Variants in CDH4 observed in about 807,000 individuals in gnomAD.
CDH4 encodes the protein cadherin 4, also known as cadherin-4.
Under a neutral mutation model 86.0 loss-of-function variants are expected in CDH4, and 33 were observed. That is an observed-to-expected ratio of 0.38 (90% CI 0.29 to 0.51). The LOEUF is 0.51. CDH4 is among the 20% of genes least tolerant of loss of function. The pLI is 0.86. For missense variants in CDH4, 1,114 were observed against 1,307.4 expected (o/e 0.85, Z 2.28); for synonymous variants, 555 against 549.4 (o/e 1.01, Z -0.14).
At chr20:61,302,547 G>T (rs1412918713) in intron 2 of CDH4, among the ~76,000 whole-genome samples, 1 of 151,656 alleles carries the variant, frequency 6.6e-6, no homozygotes, top group Non-Finnish European at 1.5e-5. Context: ...TCTGACTGAG[G>T]TTGGGGGTGG....
In CDH4 at chr20:61,582,010, G is replaced by A. The variant is rs2086433090; in HGVS notation, c.170-161553G>A. ...TTTGCCCTCAAGTCTCAGCCATCAT[G>A]TGGGCGCCTCCTCAGGGCAGCCTGT... On this transcript the variant is annotated intron_variant, in intron 2 of 15. Coordinates refer to ENST00000614565, the MANE Select transcript of CDH4 (RefSeq NM_001794.5). The surrounding 1 kb of genome is among the most constrained non-coding windows in gnomAD (Gnocchi z 4.2). Among the ~76,000 whole-genome samples, 2 of 152,318 alleles carry A rather than the reference G, an allele frequency of 1.3e-5. No individual in the cohort carries two copies. Among genetic ancestry groups the A allele is most frequent in the South Asian group, 4.1e-4 (2 of 4,830 alleles).
At chr20:61,432,317 T>C (rs2085251900) in intron 2 of CDH4, among the ~76,000 whole-genome samples, 1 of 152,194 alleles carries the variant, frequency 6.6e-6, no homozygotes, top group Non-Finnish European at 1.5e-5. Flanking sequence ...TTCTTTAAAT[T>C]ATGGCCATTC....
rs556003540 is a variant in CDH4 at position 61,258,823 on chromosome 20, CAGA to C, written c.169+3892_169+3894del. Reference sequence around the variant, plus strand: ...CCAGTCGTTGCTTCTGAGTTCAGAGCAGAAGAAGGTGCAGATAGTAGCACCATC... The same window carrying C: ...CCAGTCGTTGCTTCTGAGTTCAGAGCAGAAGGTGCAGATAGTAGCACCATC... On this transcript the variant is annotated intron_variant, in intron 2 of 15. Transcript: ENST00000614565. 1.1e-4 allele frequency among the ~76,000 whole-genome samples: 16 copies of C among 152,316 alleles called. No individual in the cohort carries two copies. In the South Asian group the frequency reaches 3.3e-3, roughly 32 times the overall value.
intron 2 of CDH4, among the ~76,000 whole-genome samples, chr20:61,646,512 C>T (rs1422206370): frequency 6.6e-6 from 1 of 152,208 alleles, no homozygotes; most frequent in African/African-American, 2.4e-5. Flanking sequence ...TGACCCTGGG[C>T]CAGCCGTTCA....
At chr20:61,653,143 C>G (rs1403666659) in intron 2 of CDH4, among the ~76,000 whole-genome samples, 6 of 124,844 alleles carry the variant, frequency 4.8e-5, no homozygotes, top group South Asian at 2.4e-4. Flanking sequence ...TGACTCTTAA[C>G]GAGCATACTG....
chr20:61,391,033 G>A (rs191656842), intron 2 of CDH4, among the ~76,000 whole-genome samples: 3 of 152,298 alleles, frequency 2.0e-5, no homozygotes, highest in East Asian at 1.9e-4. Flanking sequence ...GTGCCGCAGT[G>A]GGGGGTAGCC....
At chr20:61,372,748 G>A (rs1267762725) in intron 2 of CDH4, among the ~76,000 whole-genome samples, 2 of 152,148 alleles carry the variant, frequency 1.3e-5, no homozygotes, top group African/African-American at 2.4e-5. Context: ...CCACAGATGA[G>A]GAGCAAAGCC....
At chr20:61,447,197 C>T (rs925400302) in intron 2 of CDH4, among the ~76,000 whole-genome samples, 1 of 152,182 alleles carries the variant, frequency 6.6e-6, no homozygotes, top group Non-Finnish European at 1.5e-5. Flanking sequence ...CACTCTGTCA[C>T]TCAGGCTGGT....
chr20:61,497,359 T>C (rs544300964), intron 2 of CDH4, among the ~76,000 whole-genome samples: 1 of 152,346 alleles, frequency 6.6e-6, no homozygotes, highest in South Asian at 2.1e-4. Context: ...AATTTAGCTA[T>C]AGGATTTTTA....
At chr20:61,551,554 C>T (rs565031462) in intron 2 of CDH4, among the ~76,000 whole-genome samples, 54 of 152,348 alleles carry the variant, frequency 3.5e-4, no homozygotes, top group African/African-American at 1.3e-3. Context: ...AGAACCTTTG[C>T]CATTGGGGAA....
intron 3 of CDH4, among the ~76,000 whole-genome samples, chr20:61,761,178 C>T (rs1426053337): frequency 6.6e-6 from 1 of 152,118 alleles, no homozygotes; most frequent in Non-Finnish European, 1.5e-5. Flanking sequence ...TAAAAGAAAT[C>T]TAATCATCCT....
In CDH4 at chr20:61,303,365, G is replaced by A. The variant is rs528112190; in HGVS notation, c.169+48428G>A. 1.2e-4 allele frequency among the ~76,000 whole-genome samples: 19 copies of A among 152,328 alleles called. No homozygotes were observed. The South Asian group carries it at 3.7e-3, about 30-fold the overall frequency. ...CTGGCCTGGTGCTGGTCAAGGCCAC[G>A]AGTCCTCTGCAAGAGCCAGGGCAGG... On this transcript the variant is annotated intron_variant, in intron 2 of 15. Transcript: ENST00000614565.
Position 61,939,156 on chromosome 20 carries a change from T to TG in CDH4, c.*2213_*2214insG, listed in dbSNP as rs2055233653. 1 of 152,200 alleles carries TG rather than the reference T, an allele frequency of 6.6e-6. No individual in the cohort carries two copies. The highest frequency in any genetic ancestry group is 1.5e-5 in the Non-Finnish European group (1 of 68,056). The allele number at this position is 152,200 out of a possible 1,614,324, so 9.4% of individuals were successfully genotyped here. ...AAGTCCATGCTTCAGTCCTTCGGAG[T>TG]ATGCGTGGATTGTTCGAAGTGTGAC... On this transcript the variant is annotated 3_prime_UTR_variant, in exon 16 of 16. Coordinates refer to ENST00000614565, the MANE Select transcript of CDH4 (RefSeq NM_001794.5).
At chr20:61,770,246 C>T (rs1004852672) in intron 3 of CDH4, among the ~76,000 whole-genome samples, 1 of 152,160 alleles carries the variant, frequency 6.6e-6, no homozygotes, top group African/African-American at 2.4e-5. Context: ...CTGGGAGCGC[C>T]CCATGGAAGC....
intron 2 of CDH4, among the ~76,000 whole-genome samples, chr20:61,597,539 A>G (rs1209693948): frequency 6.6e-6 from 1 of 152,220 alleles, no homozygotes; most frequent in African/African-American, 2.4e-5. Flanking sequence ...GTCCTGGGGC[A>G]TCAGGGCGAA....
At chr20:61,753,447 A>T (rs562813801) in intron 3 of CDH4, among the ~76,000 whole-genome samples, 1 of 152,330 alleles carries the variant, frequency 6.6e-6, no homozygotes, top group Non-Finnish European at 1.5e-5. Flanking sequence ...TGGGCAATGC[A>T]GGCAGTGCTG....
At chr20:61,834,771 G>A (rs1434125462) in intron 4 of CDH4, among the ~76,000 whole-genome samples, 1 of 152,208 alleles carries the variant, frequency 6.6e-6, no homozygotes, top group Non-Finnish European at 1.5e-5. Flanking sequence ...CTTTGGACTT[G>A]GCTTTAGCTG....
rs576402371 is a variant in CDH4 at position 61,840,477 on chromosome 20, C to T, written c.577-4191C>T. Among the ~76,000 whole-genome samples the T allele has an allele frequency of 1.2e-3, 190 of 152,344 alleles. 1 individual carries two copies. Among genetic ancestry groups the T allele is most frequent in the Middle Eastern group, 0.01 (3 of 290 alleles). ...CATCCAGCCATTTCTGAGAGGAGAA[C>T]CGGCCTTCCAAGCAGAAGTCCCTGG... On this transcript the variant is annotated intron_variant, in intron 4 of 15. Coordinates refer to ENST00000614565, the MANE Select transcript of CDH4 (RefSeq NM_001794.5).
At chr20:61,741,430 G>C (rs1214832107) in intron 2 of CDH4, among the ~76,000 whole-genome samples, 1 of 152,156 alleles carries the variant, frequency 6.6e-6, no homozygotes, top group Non-Finnish European at 1.5e-5. Flanking sequence ...TCAGACGTTG[G>C]TGGCCCATTC....
Sources: gnomAD v4.1 joint callset for allele counts (sites outside exome capture counted in the v4.1 genomes callset) on GRCh38, gnomAD v4.1.1 for gene constraint, Gnocchi (gnomAD v3.1) non-coding constraint, MANE v1.5 for transcripts, NCBI Gene and HGNC (gene_info 2026-07-23, HGNC 2026-07-21) for gene names.